Variants in ADARB2 observed in about 807,000 individuals in gnomAD.
The protein encoded by ADARB2 is adenosine deaminase RNA specific B2 (inactive).
A neutral mutation model predicts 62.2 loss-of-function variants in ADARB2; 25 were observed. The observed-to-expected ratio is 0.40, with a 90% CI of 0.29 to 0.56. ADARB2 has a LOEUF of 0.56. ADARB2 is among the 20% of genes least tolerant of loss of function. ADARB2 has a pLI of 0.43. For synonymous variants in ADARB2, 572 were observed against 500.8 expected, an observed-to-expected ratio of 1.14 and a Z score of -1.90; for missense variants, 1,071 against 1,077.4, an observed-to-expected ratio of 0.99 and a Z score of 0.08.
chr10:1,655,499 TTAAC>T (rs1255584680), intron 1 of ADARB2, among the ~76,000 whole-genome samples: 2 of 152,218 alleles, frequency 1.3e-5, no homozygotes, highest in Non-Finnish European at 2.9e-5. Context: ...TTGCTATTGA[TTAAC>T]TATTTATTCT....
chr10:1,686,584 C>T (rs750197215), intron 1 of ADARB2, among the ~76,000 whole-genome samples: 4 of 152,134 alleles, frequency 2.6e-5, no homozygotes, highest in African/African-American at 9.7e-5. Context: ...AGTAAGGAAA[C>T]GTACGGGACT....
chr10:1,642,975 C>T (rs547948047), intron 1 of ADARB2, among the ~76,000 whole-genome samples: 3 of 152,216 alleles, frequency 2.0e-5, no homozygotes, highest in Non-Finnish European at 4.4e-5. Flanking sequence ...TCAGCATGAA[C>T]GGATTCCCAC....
intron 1 of ADARB2, among the ~76,000 whole-genome samples, chr10:1,639,346 TC>T (rs1203621714): frequency 1.3e-5 from 2 of 152,068 alleles, no homozygotes; most frequent in Admixed American, 6.5e-5. Flanking sequence ...GGAAGAGAAG[TC>T]CCCAGAGCCT....
chr10:1,342,848 C>T (rs796480954), intron 3 of ADARB2, among the ~76,000 whole-genome samples: 18 of 152,272 alleles, frequency 1.2e-4, no homozygotes, highest in African/African-American at 4.3e-4. Flanking sequence ...TTTTTGAACA[C>T]AAGTCTCCTC....
At chr10:1,623,732 C>A (rs1222848750) in intron 1 of ADARB2, among the ~76,000 whole-genome samples, 3 of 149,962 alleles carry the variant, frequency 2.0e-5, no homozygotes, top group African/African-American at 7.5e-5. Context: ...GGACCAGGGG[C>A]CTTCACCCTC....
chr10:1,398,247 C>G lies in ADARB2; in HGVS notation c.101-19087G>C, dbSNP rs1368907152. Among the ~76,000 whole-genome samples, 2 of 152,046 alleles carry G rather than the reference C, an allele frequency of 1.3e-5. No individual in the cohort carries two copies. The highest frequency in any genetic ancestry group is 6.6e-5 in the Admixed American group (1 of 15,252). On this transcript the variant is annotated intron_variant, in intron 1 of 9. Coordinates refer to ENST00000381312, the MANE Select transcript of ADARB2 (RefSeq NM_018702.4). The surrounding 1 kb of genome is among the most constrained non-coding windows in gnomAD (Gnocchi z 4.1). ...CCCGAGTGCAGGCTTCCTGGGTCAC[C>G]GTCCGTCTCTCCCCTCCCGAGTGCA...
In ADARB2 at chr10:1,514,258, A is replaced by G. The variant is rs181885888; in HGVS notation, c.101-135098T>C. Among the ~76,000 whole-genome samples the G allele has an allele frequency of 4.0e-5, 6 of 149,966 alleles. No homozygotes were observed. In the East Asian group the frequency reaches 1.2e-3, roughly 30 times the overall value. On this transcript the variant is annotated intron_variant, in intron 1 of 9. Coordinates refer to ENST00000381312, the MANE Select transcript of ADARB2 (RefSeq NM_018702.4). ...TAAAAATATACTTGATATTGCTGAT[A>G]CAGAGGACTCCTGAATGTTCAGAAG...
In ADARB2 at chr10:1,219,834, GTGATGA is replaced by G. The variant is rs1205801317; in HGVS notation, c.1514-2721_1514-2716del. ...GATGATGGTGATGGTAATGATGGTGGTGATGATGATGGTGATGGTGATGATGATGGT... is the reference window on the plus strand; with the variant it reads ...GATGATGGTGATGGTAATGATGGTGGTGATGGTGATGGTGATGATGATGGT... On this transcript the variant is annotated intron_variant, in intron 6 of 9. Transcript: ENST00000381312. Among the ~76,000 whole-genome samples the G allele has an allele frequency of 2.1e-3, 275 of 132,034 alleles. 2 individuals are homozygous for G. The highest frequency in any genetic ancestry group is 7.8e-3 in the Middle Eastern group (2 of 256). 86.6% of individuals were successfully genotyped at this position (132,034 alleles called of 152,430 possible).
intron 1 of ADARB2, among the ~76,000 whole-genome samples, chr10:1,425,313 G>A (rs185703412): frequency 8.5e-5 from 13 of 152,264 alleles, no homozygotes; most frequent in African/African-American, 2.2e-4. Context: ...GATACTTTAC[G>A]CTGAATGGCA....
intron 1 of ADARB2, among the ~76,000 whole-genome samples, chr10:1,547,128 T>G (rs1832533031): frequency 1.3e-5 from 2 of 152,182 alleles, no homozygotes; most frequent in Admixed American, 1.3e-4. Flanking sequence ...CCACTCTGTG[T>G]GCATAGCAGT....
chr10:1,596,463 G>A (rs1245295214), intron 1 of ADARB2, among the ~76,000 whole-genome samples: 1 of 152,160 alleles, frequency 6.6e-6, no homozygotes, highest in Non-Finnish European at 1.5e-5. Context: ...AATAAAGTCC[G>A]GCACCGGGAG....
chr10:1,450,334 G>A (rs1195385560), intron 1 of ADARB2, among the ~76,000 whole-genome samples: 1 of 152,210 alleles, frequency 6.6e-6, no homozygotes, highest in African/African-American at 2.4e-5. Flanking sequence ...TGTCCACTTC[G>A]TTTCCTGCTG....
intron 1 of ADARB2, among the ~76,000 whole-genome samples, chr10:1,405,303 A>G (rs1832698171): frequency 6.6e-6 from 1 of 152,194 alleles, no homozygotes; most frequent in African/African-American, 2.4e-5. Flanking sequence ...CTTCTGAGCT[A>G]CCTACAATTA....
At chr10:1,246,173 T>A (rs1194554889) in intron 4 of ADARB2, among the ~76,000 whole-genome samples, 18 of 152,084 alleles carry the variant, frequency 1.2e-4, no homozygotes, top group Non-Finnish European at 2.4e-4. Context: ...TCACCCACTT[T>A]TTCATGGGGT....
chr10:1,497,194 A>G (rs897131602), intron 1 of ADARB2, among the ~76,000 whole-genome samples: 6 of 152,258 alleles, frequency 3.9e-5, no homozygotes, highest in African/African-American at 1.4e-4. Context: ...CCTTACTAAC[A>G]TCTTCATTTT....
chr10:1,205,415 C>T (rs1027349110), intron 7 of ADARB2, among the ~76,000 whole-genome samples: 3 of 111,352 alleles, frequency 2.7e-5, no homozygotes, highest in African/African-American at 8.4e-5. Context: ...GGAGACAACT[C>T]ACTGGAGCCC....
chr10:1,656,676 G>A (rs77107285), intron 1 of ADARB2, among the ~76,000 whole-genome samples: 2,401 of 152,230 alleles, frequency 0.016, 58 homozygotes, highest in African/African-American at 0.055. Context: ...GGACTCTCAC[G>A]CGTCTTCATG....
chr10:1,729,779 A>C (rs1315858506), intron 1 of ADARB2, among the ~76,000 whole-genome samples: 2 of 152,138 alleles, frequency 1.3e-5, no homozygotes, highest in African/African-American at 2.4e-5. Flanking sequence ...TTGGGTTAGC[A>C]TTTTCAGGTA....
intron 1 of ADARB2, among the ~76,000 whole-genome samples, chr10:1,647,149 G>A (rs1588337289): frequency 6.6e-6 from 1 of 152,272 alleles, no homozygotes. Flanking sequence ...CCCTCCCCAA[G>A]ATAAGTCAGT....
Sources: gnomAD v4.1 joint callset for allele counts (sites outside exome capture counted in the v4.1 genomes callset) on GRCh38, gnomAD v4.1.1 for gene constraint, Gnocchi (gnomAD v3.1) non-coding constraint, MANE v1.5 for transcripts, NCBI Gene and HGNC (gene_info 2026-07-23, HGNC 2026-07-21) for gene names.